The following CFAP65 variants were observed in gnomAD, a reference collection of about 807,000 sequenced individuals.
CFAP65 encodes cilia and flagella associated protein 65, also known as cilia- and flagella-associated protein 65.
CFAP65 carries 155 observed loss-of-function variants against 208.0 expected under a neutral mutation model. That is an observed-to-expected ratio of 0.75 (90% CI 0.65 to 0.85). The LOEUF (loss-of-function observed/expected upper bound fraction) is 0.85. Ranked by LOEUF, CFAP65 falls within the 40% of genes least tolerant of loss-of-function variation. CFAP65 has a pLI of 0.00. For synonymous variants in CFAP65, 970 were observed against 986.3 expected, an observed-to-expected ratio of 0.98 and a Z score of 0.31; for missense variants, 2,294 against 2,451.3, an observed-to-expected ratio of 0.94 and a Z score of 1.36.
chr2:219,025,761 G>C (rs1246567134), intron 14 of CFAP65, among the ~76,000 whole-genome samples: 1 of 152,164 alleles, frequency 6.6e-6, no homozygotes, highest in Non-Finnish European at 1.5e-5. Flanking sequence ...AGAGTCATAG[G>C]AGCCAGTGAG....
chr2:219,008,922 T>C, intron 29 of CFAP65, 125 bp downstream of exon 29: 1 of 695,522 alleles, frequency 1.4e-6, no homozygotes, highest in Non-Finnish European at 2.6e-6. Flanking sequence ...GTGAATGAAA[T>C]GTAATCTCTT....
intron 2 of CFAP65, among the ~76,000 whole-genome samples, chr2:219,040,257 G>T (rs1274738306): frequency 6.6e-6 from 1 of 152,046 alleles, no homozygotes; most frequent in Non-Finnish European, 1.5e-5. Context: ...ATTTTAATGT[G>T]TTCAGATTTA....
rs1948078969 is a variant in CFAP65, at chr2:219,031,959, C to T, written c.646-301G>A. Among the ~76,000 whole-genome samples the T allele has an allele frequency of 7.0e-6, 1 of 142,108 alleles. No homozygotes were observed. The highest frequency in any genetic ancestry group is 2.6e-5 in the African/African-American group (1 of 38,672). The allele number at this position is 142,108 out of a possible 152,430, so 93.2% of individuals were successfully genotyped here. A position where few individuals can be genotyped will look rare whatever the true frequency, so the allele number is the denominator to read the frequency against. On this transcript the variant is annotated intron_variant, in intron 6 of 34. Transcript: ENST00000341552. The surrounding 1 kb of genome is among the most constrained non-coding windows in gnomAD (Gnocchi z 5.2). Reference sequence around the variant, plus strand: ...TTTTTTTTTTTGAGTCTCGCTCTGTCACCCAGGCTGGAGTGCAGTGGTGAG... The same window carrying T: ...TTTTTTTTTTTGAGTCTCGCTCTGTTACCCAGGCTGGAGTGCAGTGGTGAG...
intron 24 of CFAP65, among the ~76,000 whole-genome samples, chr2:219,011,454 T>A (rs372423670): frequency 2.6e-4 from 39 of 151,968 alleles, no homozygotes; most frequent in African/African-American, 7.2e-4. Flanking sequence ...CAAAAATATA[T>A]ATATTTTTTA....
Position 219,013,593 on chromosome 2 carries a change from G to T in CFAP65, c.3780-8C>A. ...GTACCGATGAACAGGTGGCTAGAAA[G>T]AAACAGATAAGTCTGGGAGTGAGTT... On this transcript the variant is annotated splice_polypyrimidine_tract_variant and splice_region_variant and intron_variant, in intron 22 of 34. Coordinates refer to ENST00000341552, the MANE Select transcript of CFAP65 (RefSeq NM_194302.4). 1.9e-6 allele frequency: 3 copies of T among 1,594,698 alleles called. No homozygotes were observed. Among genetic ancestry groups the T allele is most frequent in the Non-Finnish European group, 2.6e-6 (3 of 1,172,148 alleles).
At position 219,022,126 on chromosome 2, in the gene CFAP65, C is replaced by T. The variant is rs369482715; in HGVS notation, c.2979+45G>A. On this transcript the variant is annotated intron_variant, in intron 17 of 34. Transcript: ENST00000341552. ...CCTGGGGCCTTCCCTCCCACCTGTC[C>T]GGGCCTCTCCCCCAGCCCCCTCCTG... The T allele has an allele frequency of 2.5e-4, 375 of 1,525,442 alleles. 1 individual carries two copies. The African/African-American group carries it at 3.7e-3, about 15-fold the overall frequency. 94.5% of individuals were successfully genotyped at this position (1,525,442 alleles called of 1,614,324 possible).
rs371532395 is a variant in CFAP65 at position 219,029,396 on chromosome 2, G to A, written c.1650+7C>T. On this transcript the variant is annotated splice_region_variant and intron_variant, in intron 11 of 34. Transcript: ENST00000341552. ...TCCCTCAGCCTCATGCCCTCCCCAC[G>A]ACTCACCTGGTGGTGGATGAGACAG... The A allele has an allele frequency of 4.0e-5, 65 of 1,610,058 alleles. No homozygotes were observed. Among genetic ancestry groups the A allele is most frequent in the African/African-American group, 1.5e-4 (11 of 74,972 alleles).
rs180778848 is a variant in CFAP65, at chr2:219,031,886, G to A, written c.646-228C>T. Among the ~76,000 whole-genome samples, 30 of 152,194 alleles carry A rather than the reference G, an allele frequency of 2.0e-4. No individual in the cohort carries two copies. The East Asian group carries it at 5.4e-3, about 27-fold the overall frequency. The stretch of plus-strand genomic sequence containing the variant: ...AGGAAATGTGGGTGGGGAGTGGCAG[G>A]AAGAGGCCAAGGAATGTAGAAGGGG... On this transcript the variant is annotated intron_variant, in intron 6 of 34. Coordinates refer to ENST00000341552, the MANE Select transcript of CFAP65 (RefSeq NM_194302.4). This position sits in a 1 kb window ranked among gnomAD's most constrained non-coding sequence, Gnocchi z 5.2.
At chr2:219,012,548 T>C (rs1946558657) in intron 24 of CFAP65, among the ~76,000 whole-genome samples, 1 of 152,366 alleles carries the variant, frequency 6.6e-6, no homozygotes, top group South Asian at 2.1e-4. Flanking sequence ...CAGAAACACA[T>C]GGGCTTCTAA....
chr2:219,025,254 C>T (rs1947556388), intron 14 of CFAP65, among the ~76,000 whole-genome samples: 1 of 152,104 alleles, frequency 6.6e-6, no homozygotes, highest in Non-Finnish European at 1.5e-5. Flanking sequence ...TCGAGGGGGA[C>T]TCTGTGAGGC....
Position 219,003,925 on chromosome 2 carries a change from C to A in CFAP65, c.5555+27G>T. The A allele has an allele frequency of 6.3e-7, 1 of 1,594,968 alleles. No homozygotes were observed. The highest frequency in any genetic ancestry group is 1.1e-5 in the South Asian group (1 of 87,172). ...AACCTTCTGCACTTCGCCTCCCTCCCGTCCTCACTGGGGCCTGGCTGCTCA... is the reference window on the plus strand; with the variant it reads ...AACCTTCTGCACTTCGCCTCCCTCCAGTCCTCACTGGGGCCTGGCTGCTCA... On this transcript the variant is annotated intron_variant, in intron 33 of 34. Coordinates refer to ENST00000341552, the MANE Select transcript of CFAP65 (RefSeq NM_194302.4). The surrounding 1 kb of genome is among the most constrained non-coding windows in gnomAD (Gnocchi z 4.4).
intron 16 of CFAP65, 38 bp downstream of exon 16, chr2:219,023,169 G>A: frequency 6.5e-7 from 1 of 1,535,810 alleles, no homozygotes; most frequent in East Asian, 2.3e-5. Context: ...TGACAGAAGT[G>A]AAGGTTGCCG....
At chr2:219,030,345 A>C in intron 9 of CFAP65, 137 bp from the exon 10 acceptor site, 1 of 908,820 alleles carries the variant, frequency 1.1e-6, no homozygotes, top group Non-Finnish European at 1.7e-6. Context: ...CCCACTGGCC[A>C]GACTGCCTCC....
chr2:219,027,338 G>A, intron 13 of CFAP65: 3 of 1,445,588 alleles, frequency 2.1e-6, no homozygotes, highest in Non-Finnish European at 2.7e-6. Flanking sequence ...GAGAAGCTAG[G>A]AGGCCTCCTA....
rs1231256569 is a variant in CFAP65, at chr2:219,031,542, G to A, written c.762C>T (p.Pro254=). ...CAGTCGTATCTCCCACAGCACACAT[G>A]GGCAGCTGCAGGGATGGTGGGCGGC... ...LICRPPSLQL[P]MCAVGDTTEA... is the part of the protein sequence containing the mutation. Residue 254 remains proline, a synonymous_variant, in exon 7 of 35, where the codon CCC becomes CCT. Coordinates refer to ENST00000341552, the MANE Select transcript of CFAP65 (RefSeq NM_194302.4). The surrounding 1 kb of genome is among the most constrained non-coding windows in gnomAD (Gnocchi z 5.2). 8.1e-6 allele frequency: 13 copies of A among 1,614,256 alleles called. No homozygotes were observed. The highest frequency in any genetic ancestry group is 1.1e-5 in the Non-Finnish European group (13 of 1,180,042).
intron 24 of CFAP65, among the ~76,000 whole-genome samples, chr2:219,011,508 G>A (rs1024406266): frequency 5.3e-5 from 8 of 151,916 alleles, no homozygotes; most frequent in South Asian, 2.1e-4. Context: ...TCTTGAACTC[G>A]TGGCCTCAAG....
rs1317283314 is a variant in CFAP65, at chr2:219,021,871, GA to G, written c.3038del (p.Phe1013SerfsTer5). ...AGTTGCCGTCATTCAGGAGGACAAG[GA>G]ACCTGGACTGCTTGCTGTTCACCAG... The part of the protein sequence containing the change: ...NVLVNSKQSR[F>X]LVLLNDGNCT... On this transcript the variant is annotated frameshift_variant, in exon 18 of 35. Coordinates refer to ENST00000341552, the MANE Select transcript of CFAP65 (RefSeq NM_194302.4). LOFTEE classifies it high-confidence loss of function. 6.2e-7 allele frequency: 1 copy of G among 1,613,736 alleles called. No individual in the cohort carries two copies. The highest frequency in any genetic ancestry group is 1.7e-5 in the Admixed American group (1 of 60,006).
chr2:219,038,053 G>A (rs189750827), intron 4 of CFAP65, among the ~76,000 whole-genome samples: 14 of 152,180 alleles, frequency 9.2e-5, no homozygotes, highest in South Asian at 8.3e-4. Context: ...CCTACCCCAC[G>A]GCCTCTCAGG....
Position 219,028,413 on chromosome 2 carries a change from G to T in CFAP65, c.1651-12C>A. 3 of 1,610,802 alleles carry T rather than the reference G, an allele frequency of 1.9e-6. No individual in the cohort carries two copies. The highest frequency in any genetic ancestry group is 2.5e-6 in the Non-Finnish European group (3 of 1,178,754). Reference sequence around the variant, plus strand: ...AGGAACAGTGGGTCCTGTGACATTTGTCTGTGTGTGGTGGGGCATGGGAGG... The same window carrying T: ...AGGAACAGTGGGTCCTGTGACATTTTTCTGTGTGTGGTGGGGCATGGGAGG... On this transcript the variant is annotated splice_polypyrimidine_tract_variant and intron_variant, in intron 11 of 34. Transcript: ENST00000341552.
Sources: allele counts gnomAD v4.1 joint callset (sites outside exome capture counted in the v4.1 genomes callset), GRCh38; gene constraint gnomAD v4.1.1; non-coding constraint Gnocchi (gnomAD v3.1); transcripts MANE v1.5; gene names NCBI Gene and HGNC (gene_info 2026-07-23, HGNC 2026-07-21).